Variants in WWOX observed in about 807,000 individuals in gnomAD.
WWOX encodes the protein WW domain-containing oxidoreductase.
Under a neutral mutation model 46.2 loss-of-function variants are expected in WWOX, and 69 were observed. The observed-to-expected ratio is 1.49, with a 90% CI of 1.23 to 1.82. The LOEUF (loss-of-function observed/expected upper bound fraction) is 1.82, where lower values mean the gene tolerates loss of function less well. Ranked by LOEUF, WWOX falls within the 40% of genes most tolerant of loss-of-function variation. WWOX has a pLI of 0.00. For missense variants in WWOX, 919 were observed against 542.6 expected (o/e 1.69, Z -6.89); for synonymous variants, 359 against 202.6 (o/e 1.77, Z -6.56).
intron 8 of WWOX, among the ~76,000 whole-genome samples, chr16:78,633,483 C>A (rs535104357): frequency 6.6e-6 from 1 of 152,126 alleles, no homozygotes; most frequent in Non-Finnish European, 1.5e-5. Context: ...ACCACGAGTT[C>A]AGAACTTTGG....
chr16:78,343,277 C>T (rs2081044948), intron 5 of WWOX, among the ~76,000 whole-genome samples: 1 of 120,358 alleles, frequency 8.3e-6, no homozygotes, highest in African/African-American at 2.8e-5. Flanking sequence ...ACCCATGATG[C>T]TGTGCTGATT....
chr16:79,193,545 A>C (rs1264791053), intron 8 of WWOX, among the ~76,000 whole-genome samples: 1 of 152,130 alleles, frequency 6.6e-6, no homozygotes, highest in African/African-American at 2.4e-5. Flanking sequence ...CTGCTTACCC[A>C]GCAGATGAGA....
At chr16:79,070,175 G>C (rs1331040983) in intron 8 of WWOX, among the ~76,000 whole-genome samples, 4 of 152,154 alleles carry the variant, frequency 2.6e-5, no homozygotes. Flanking sequence ...GTCAGCTGCA[G>C]TGCCTAATGT....
At chr16:78,483,787 T>G (rs2667570) in intron 8 of WWOX, among the ~76,000 whole-genome samples, 45,478 of 151,946 alleles carry the variant, frequency 0.3, 9,396 homozygotes, top group African/African-American at 0.59. Flanking sequence ...AGGCTCTTCT[T>G]GTTTATTTAT....
chr16:79,140,423 A>G (rs778755072), intron 8 of WWOX, among the ~76,000 whole-genome samples: 3 of 152,188 alleles, frequency 2.0e-5, no homozygotes, highest in Non-Finnish European at 2.9e-5. Flanking sequence ...GCTGATGGTG[A>G]GTTTTTAGCT....
chr16:78,981,604 A>C (rs2046684121), intron 8 of WWOX: 1 of 152,026 alleles, frequency 6.6e-6, no homozygotes, highest in Non-Finnish European at 1.5e-5. Context: ...TGCCCAGCTA[A>C]TTTTTGTATT....
chr16:78,562,149 C>G (rs907516585), intron 8 of WWOX, among the ~76,000 whole-genome samples: 4 of 152,144 alleles, frequency 2.6e-5, no homozygotes, highest in African/African-American at 9.7e-5. Context: ...TGGATTTGAT[C>G]CAAGCTCTCT....
At chr16:79,143,168 G>C (rs1007022491) in intron 8 of WWOX, among the ~76,000 whole-genome samples, 2 of 152,182 alleles carry the variant, frequency 1.3e-5, no homozygotes, top group Non-Finnish European at 2.9e-5. Context: ...CCTCATTCCA[G>C]GTAGCTGCAG....
chr16:78,827,400 G>A (rs544400794), intron 8 of WWOX, among the ~76,000 whole-genome samples: 2 of 152,196 alleles, frequency 1.3e-5, no homozygotes, highest in South Asian at 2.1e-4. Context: ...AAGTGGAGCT[G>A]GAGTCTCTGT....
intron 8 of WWOX, among the ~76,000 whole-genome samples, chr16:78,753,247 C>T (rs957587774): frequency 1.3e-5 from 2 of 152,018 alleles, no homozygotes; most frequent in East Asian, 1.9e-4. Flanking sequence ...TTGCAGTGAG[C>T]CGAGATTACA....
chr16:79,120,595 G>C (rs1027743838), intron 8 of WWOX, among the ~76,000 whole-genome samples: 1 of 152,136 alleles, frequency 6.6e-6, no homozygotes, highest in Non-Finnish European at 1.5e-5. Context: ...GAGCCCAGAC[G>C]TCTGAAATTG....
At chr16:78,547,166 C>T (rs1387371205) in intron 8 of WWOX, among the ~76,000 whole-genome samples, 3 of 129,674 alleles carry the variant, frequency 2.3e-5, no homozygotes, top group Non-Finnish European at 4.9e-5. Flanking sequence ...AAAACAACTA[C>T]CAGGCCTGTT....
chr16:79,097,303 C>T (rs1259115758), intron 8 of WWOX, among the ~76,000 whole-genome samples: 2 of 151,932 alleles, frequency 1.3e-5, no homozygotes, highest in East Asian at 3.9e-4. Context: ...ATCCGAGATG[C>T]CATTCGCAAT....
chr16:78,908,615 G>C (rs1364732285), intron 8 of WWOX, among the ~76,000 whole-genome samples: 2 of 151,920 alleles, frequency 1.3e-5, no homozygotes, highest in African/African-American at 4.8e-5. Flanking sequence ...ACTCAAATAA[G>C]TCTCCCCCAA....
intron 8 of WWOX, among the ~76,000 whole-genome samples, chr16:78,694,437 C>G (rs2048056446): frequency 6.6e-6 from 1 of 152,208 alleles, no homozygotes; most frequent in Non-Finnish European, 1.5e-5. Flanking sequence ...AAGGCAGAAG[C>G]AGCCTCCACT....
intron 4 of WWOX, among the ~76,000 whole-genome samples, chr16:78,135,248 T>C (rs1350198213): frequency 1.3e-5 from 2 of 152,212 alleles, no homozygotes; most frequent in African/African-American, 4.8e-5. Flanking sequence ...GTTTGAAATG[T>C]ACCACGTGCC....
chr16:78,566,932 A>G (rs972784213), intron 8 of WWOX, among the ~76,000 whole-genome samples: 1 of 152,188 alleles, frequency 6.6e-6, no homozygotes, highest in African/African-American at 2.4e-5. Flanking sequence ...AGCAGTATCG[A>G]TAGCAATCAT....
At chr16:78,330,810 C>T (rs946202082) in intron 5 of WWOX, among the ~76,000 whole-genome samples, 7 of 152,216 alleles carry the variant, frequency 4.6e-5, no homozygotes, top group African/African-American at 1.7e-4. Flanking sequence ...TAATTTACGA[C>T]TTCATTTGTA....
intron 8 of WWOX, among the ~76,000 whole-genome samples, chr16:78,976,180 T>C (rs2046569077): frequency 6.6e-6 from 1 of 152,234 alleles, no homozygotes; most frequent in Admixed American, 6.5e-5. Flanking sequence ...AATTATTTCT[T>C]GGATGAAAGA....
Sources: gnomAD v4.1 joint callset for allele counts (sites outside exome capture counted in the v4.1 genomes callset) on GRCh38, gnomAD v4.1.1 for gene constraint, MANE v1.5 for transcripts, NCBI Gene and HGNC (gene_info 2026-07-23, HGNC 2026-07-21) for gene names.